KATNIP: variants seen among roughly 807,000 people sequenced by gnomAD.
KATNIP encodes katanin interacting protein.
A neutral mutation model predicts 174.0 loss-of-function variants in KATNIP; 126 were observed. The observed-to-expected ratio is 0.72, with a 90% CI of 0.63 to 0.84. The LOEUF (loss-of-function observed/expected upper bound fraction) is 0.84, where lower values mean the gene tolerates loss of function less well. Ranked by LOEUF, KATNIP falls within the 40% of genes least tolerant of loss-of-function variation. The probability of loss-of-function intolerance (pLI) is 0.00; values close to 1 mark genes in which losing one functional copy is unlikely to be tolerated. For missense variants in KATNIP, 1,958 were observed against 2,109.7 expected (o/e 0.93, Z 1.41); for synonymous variants, 810 against 835.7 (o/e 0.97, Z 0.53).
chr16:27,702,422 G>A (rs1029608622), intron 11 of KATNIP, among the ~76,000 whole-genome samples: 6 of 152,212 alleles, frequency 3.9e-5, no homozygotes, highest in African/African-American at 1.4e-4. Flanking sequence ...TCAAAATAAA[G>A]CCTTCCCTCT....
chr16:27,688,600 A>C (rs1392978813), intron 8 of KATNIP, among the ~76,000 whole-genome samples: 2 of 152,190 alleles, frequency 1.3e-5, no homozygotes, highest in African/African-American at 4.8e-5. Flanking sequence ...CAATAAGTAA[A>C]ATAAAATAAA....
At chr16:27,667,990 G>A (rs2077745341) in intron 6 of KATNIP, among the ~76,000 whole-genome samples, 1 of 152,148 alleles carries the variant, frequency 6.6e-6, no homozygotes, top group South Asian at 2.1e-4. Flanking sequence ...AGTAGAGTTA[G>A]GAGTTTAATG....
chr16:27,749,040 G>A (rs1038060301), intron 15 of KATNIP, among the ~76,000 whole-genome samples: 3 of 152,114 alleles, frequency 2.0e-5, no homozygotes, highest in East Asian at 1.9e-4. Context: ...TTAGAGTCAC[G>A]TGACTGTGAC....
intron 7 of KATNIP, among the ~76,000 whole-genome samples, chr16:27,679,682 G>C (rs1379897600): frequency 6.7e-6 from 1 of 149,204 alleles, no homozygotes; most frequent in African/African-American, 2.5e-5. Flanking sequence ...AGTCTGAAAA[G>C]TTGAAGCTGC....
intron 2 of KATNIP, among the ~76,000 whole-genome samples, chr16:27,592,906 C>T (rs1316885191): frequency 1.3e-5 from 2 of 152,124 alleles, no homozygotes; most frequent in African/African-American, 4.8e-5. Context: ...TTATATTACT[C>T]AGGACGTGGT....
At chr16:27,713,324 A>G (rs530538651) in intron 13 of KATNIP, among the ~76,000 whole-genome samples, 9 of 152,242 alleles carry the variant, frequency 5.9e-5, no homozygotes, top group African/African-American at 2.2e-4. Flanking sequence ...GTATGTATGT[A>G]TTGCACACTT....
intron 12 of KATNIP, among the ~76,000 whole-genome samples, chr16:27,704,787 C>G (rs1170670340): frequency 6.6e-6 from 1 of 151,912 alleles, no homozygotes; most frequent in African/African-American, 2.4e-5. Flanking sequence ...GTGACAACCA[C>G]ACAAAGATGT....
At chr16:27,699,661 C>T in intron 10 of KATNIP, 62 bp downstream of exon 10, 2 of 1,608,344 alleles carry the variant, frequency 1.2e-6, no homozygotes, top group Admixed American at 3.4e-5. Flanking sequence ...CCGATGGTGC[C>T]AGGCAGAGAT....
intron 9 of KATNIP, among the ~76,000 whole-genome samples, chr16:27,698,744 C>T (rs1020023490): frequency 1.4e-4 from 21 of 152,252 alleles, no homozygotes; most frequent in Middle Eastern, 3.2e-3. Context: ...GCCTCCAGTC[C>T]TCATCCTCAC....
rs1275675660 is a variant in KATNIP at position 27,773,137 on chromosome 16, C to A, written c.4237C>A (p.Pro1413Thr). The stretch of plus-strand genomic sequence containing the variant: ...TCAGCTTCTCACCAGCTGGGGCGAC[C>A]CCTACTACATCGGCCTCACCGGCCT... ...QFQLLTSWGD[P>T]YYIGLTGLEL... Residue 1413 changes from proline (P) to threonine (T), a missense_variant, in exon 23 of 28, where the codon CCC (proline) becomes ACC (threonine). This residue lies in a region of KATNIP where 383 missense variants were observed against 456.0 expected (regional missense o/e 0.84). Coordinates refer to ENST00000261588, the MANE Select transcript of KATNIP (RefSeq NM_015202.5). 3 of 1,612,538 alleles carry A rather than the reference C, an allele frequency of 1.9e-6. No individual in the cohort carries two copies. The highest frequency in any genetic ancestry group is 2.7e-5 in the African/African-American group (2 of 74,878).
intron 2 of KATNIP, among the ~76,000 whole-genome samples, chr16:27,600,186 T>C (rs954853741): frequency 1.3e-5 from 2 of 151,736 alleles, no homozygotes; most frequent in Non-Finnish European, 2.9e-5. Context: ...TGGAAGAAGG[T>C]AGGAAAGAAG....
At chr16:27,644,056 C>G (rs233463) in intron 5 of KATNIP, among the ~76,000 whole-genome samples, 112,363 of 142,758 alleles carry the variant, frequency 0.79, 44,749 homozygotes, top group East Asian at 0.91. Flanking sequence ...GGGTCTTACT[C>G]TGTTGCCCAG....
intron 6 of KATNIP, 44 bp from the exon 7 acceptor site, chr16:27,677,685 A>G (rs768688147): frequency 2.6e-6 from 4 of 1,547,592 alleles, no homozygotes; most frequent in South Asian, 2.4e-5. Context: ...GTTTTTCTCA[A>G]GGTACCATAT....
At chr16:27,588,871 C>T (rs1286381469) in intron 2 of KATNIP, among the ~76,000 whole-genome samples, 6 of 143,868 alleles carry the variant, frequency 4.2e-5, no homozygotes, top group Non-Finnish European at 9.0e-5. Context: ...ATTTATGCAA[C>T]TCTATTCTTT....
chr16:27,576,582 C>A (rs1365713248), intron 2 of KATNIP, among the ~76,000 whole-genome samples: 1 of 151,998 alleles, frequency 6.6e-6, no homozygotes, highest in Non-Finnish European at 1.5e-5. Flanking sequence ...TCAAGACCAG[C>A]CTGGGCAACG....
At chr16:27,635,672 T>C (rs2076613165) in intron 5 of KATNIP, among the ~76,000 whole-genome samples, 1 of 151,790 alleles carries the variant, frequency 6.6e-6, no homozygotes, top group African/African-American at 2.4e-5. Flanking sequence ...ACATGGGGAC[T>C]GCTTAACTGG....
In KATNIP at chr16:27,761,487, A is replaced by G. The variant is rs761949034; in HGVS notation, c.3706A>G (p.Lys1236Glu). 2 of 1,614,004 alleles carry G rather than the reference A, an allele frequency of 1.2e-6. No homozygotes were observed. Among genetic ancestry groups the G allele is most frequent in the African/African-American group, 2.7e-5 (2 of 74,904 alleles). ...GCTCACTGGCCTGGAAGTGGTGGGCAAGGAGGGCCAGGCGCTGCCCATCCA... is the reference window on the plus strand; with the variant it reads ...GCTCACTGGCCTGGAAGTGGTGGGCGAGGAGGGCCAGGCGCTGCCCATCCA... ...LGLTGLEVVG[K>E]EGQALPIHLH... The change falls in exon 19 of 28, where the codon AAG becomes GAG. Residue 1236 changes from lysine to glutamate, a missense_variant. This residue lies in a region of KATNIP where 1,557 missense variants were observed against 1,617.8 expected (regional missense o/e 0.96). Transcript: ENST00000261588.
intron 5 of KATNIP, among the ~76,000 whole-genome samples, chr16:27,639,465 C>T (rs1295125709): frequency 6.6e-6 from 1 of 152,234 alleles, no homozygotes; most frequent in Admixed American, 6.5e-5. Context: ...TCAACAGAGC[C>T]GTCGTTTACC....
intron 6 of KATNIP, among the ~76,000 whole-genome samples, chr16:27,670,092 C>A (rs143488982): frequency 3.3e-5 from 5 of 152,260 alleles, no homozygotes; most frequent in African/African-American, 1.2e-4. Flanking sequence ...ATTCAAATTT[C>A]TTTATCACAG....
Sources: allele counts gnomAD v4.1 joint callset (sites outside exome capture counted in the v4.1 genomes callset), GRCh38; gene constraint gnomAD v4.1.1; regional missense constraint gnomAD v4.1.1; transcripts MANE v1.5; gene names NCBI Gene and HGNC (gene_info 2026-07-23, HGNC 2026-07-21).